SPRED2: variants seen among roughly 807,000 people sequenced by gnomAD.
The protein encoded by SPRED2 is sprouty-related, EVH1 domain-containing protein 2.
A neutral mutation model predicts 43.0 loss-of-function variants in SPRED2; 47 were observed. The observed-to-expected ratio is 1.09, with a 90% CI of 0.87 to 1.40. SPRED2 has a LOEUF of 1.40. Among genes scored for constraint, SPRED2 ranks in the 40% most tolerant of loss-of-function variants. SPRED2 has a pLI of 0.00. For missense variants in SPRED2, 561 were observed against 586.4 expected, an observed-to-expected ratio of 0.96 and a Z score of 0.45; for synonymous variants, 225 against 225.7, an observed-to-expected ratio of 1.00 and a Z score of 0.03.
chr2:65,383,074 G>C (rs1675410485), intron 1 of SPRED2, among the ~76,000 whole-genome samples: 1 of 152,248 alleles, frequency 6.6e-6, no homozygotes, highest in Non-Finnish European at 1.5e-5. Flanking sequence ...CTCTCTGCAA[G>C]AGTCATACAA....
chr2:65,392,890 C>T (rs571872805), intron 1 of SPRED2, among the ~76,000 whole-genome samples: 5 of 152,194 alleles, frequency 3.3e-5, no homozygotes, highest in South Asian at 2.1e-4. Context: ...GGATGAGGGA[C>T]GGAAGCAGAG....
At chr2:65,352,085 G>A (rs1303444601) in intron 1 of SPRED2, among the ~76,000 whole-genome samples, 1 of 152,232 alleles carries the variant, frequency 6.6e-6, no homozygotes, top group Non-Finnish European at 1.5e-5. Context: ...TACTGTTTGT[G>A]TGGTTAGGGT....
intron 1 of SPRED2, among the ~76,000 whole-genome samples, chr2:65,399,383 C>CTTTT (rs34672484): frequency 2.4e-5 from 3 of 125,384 alleles, no homozygotes; most frequent in Non-Finnish European, 3.4e-5. Context: ...AACTATTATT[C>CTTTT]TTTTTTTTTT....
rs151027927 is a variant in SPRED2 at position 65,361,537 on chromosome 2, A to G, written c.27-16641T>C. Among the ~76,000 whole-genome samples, 124 of 152,318 alleles carry G rather than the reference A, an allele frequency of 8.1e-4. 2 individuals carry two copies. The East Asian group carries it at 0.019, about 23-fold the overall frequency. On this transcript the variant is annotated intron_variant, in intron 1 of 5. Transcript: ENST00000356388. ...CACCAGCAACAGAATACACCAAAAT[A>G]TTTTTCATGATTAGTCCCTTTTCAT...
At chr2:65,336,003 T>C (rs1381730847) in intron 2 of SPRED2, among the ~76,000 whole-genome samples, 4 of 152,188 alleles carry the variant, frequency 2.6e-5, no homozygotes, top group Admixed American at 1.3e-4. Context: ...CCTAAATTAG[T>C]ATACAGATAA....
chr2:65,309,413 G>A (rs1341947768), downstream of SPRED2, among the ~76,000 whole-genome samples: 3 of 150,566 alleles, frequency 2.0e-5, no homozygotes, highest in Non-Finnish European at 4.4e-5. Context: ...GGATAAGGTG[G>A]GAGAATCACT....
chr2:65,418,428 C>T (rs1292142684), intron 1 of SPRED2, among the ~76,000 whole-genome samples: 2 of 152,192 alleles, frequency 1.3e-5, no homozygotes, highest in African/African-American at 4.8e-5. Flanking sequence ...GACCTGTCTC[C>T]TCCCCTAAAT....
intron 1 of SPRED2, among the ~76,000 whole-genome samples, chr2:65,384,978 T>C (rs28403212): frequency 1.5e-4 from 10 of 68,486 alleles, no homozygotes; most frequent in African/African-American, 3.8e-4. Context: ...ACTTCTTCTT[T>C]TTTTTTTTTT....
At chr2:65,384,137 G>C (rs986923477) in intron 1 of SPRED2, among the ~76,000 whole-genome samples, 1 of 152,000 alleles carries the variant, frequency 6.6e-6, no homozygotes, top group Non-Finnish European at 1.5e-5. Flanking sequence ...GGCCGCTCTC[G>C]GCCTCCTTCC....
chr2:65,430,621 A>G (rs1304209645), intron 1 of SPRED2, among the ~76,000 whole-genome samples: 1 of 152,096 alleles, frequency 6.6e-6, no homozygotes, highest in African/African-American at 2.4e-5. Flanking sequence ...GGGGGGCAAA[A>G]GACCTGGGGC....
intron 4 of SPRED2, among the ~76,000 whole-genome samples, chr2:65,323,773 G>T (rs1022930277): frequency 2.0e-5 from 3 of 152,038 alleles, no homozygotes; most frequent in Non-Finnish European, 4.4e-5. Flanking sequence ...CTACTCGGGA[G>T]GCTGAGGCAG....
At chr2:65,412,556 G>A (rs1039905741) in intron 1 of SPRED2, among the ~76,000 whole-genome samples, 15 of 152,152 alleles carry the variant, frequency 9.9e-5, no homozygotes, top group African/African-American at 2.9e-4. Flanking sequence ...TGGCAACAGG[G>A]TCATATGACT....
At chr2:65,426,598 T>C (rs1166539731) in intron 1 of SPRED2, among the ~76,000 whole-genome samples, 2 of 152,158 alleles carry the variant, frequency 1.3e-5, no homozygotes, top group Admixed American at 1.3e-4. Context: ...GATTTTGACT[T>C]GCATTTTGAC....
intron 1 of SPRED2, among the ~76,000 whole-genome samples, chr2:65,353,278 G>T (rs1674561121): frequency 2.6e-5 from 4 of 152,184 alleles, no homozygotes; most frequent in African/African-American, 9.7e-5. Flanking sequence ...TCCCAAAGAG[G>T]GAGGTAAGGG....
intron 1 of SPRED2, among the ~76,000 whole-genome samples, chr2:65,355,758 T>C (rs1206909838): frequency 1.3e-5 from 2 of 152,218 alleles, no homozygotes; most frequent in African/African-American, 4.8e-5. Flanking sequence ...CCTGAACTTC[T>C]GGAGTTCATA....
chr2:65,340,175 T>C (rs1674137374), intron 2 of SPRED2, among the ~76,000 whole-genome samples: 1 of 152,252 alleles, frequency 6.6e-6, no homozygotes, highest in Non-Finnish European at 1.5e-5. Context: ...ATTTCTAATA[T>C]GGCAAGTTAT....
intron 1 of SPRED2, among the ~76,000 whole-genome samples, chr2:65,427,269 G>C (rs576461559): frequency 7.9e-5 from 12 of 152,174 alleles, no homozygotes; most frequent in African/African-American, 2.4e-4. Context: ...GGTAGAGACA[G>C]GGTCTCACTG....
intron 1 of SPRED2, among the ~76,000 whole-genome samples, chr2:65,413,596 G>A (rs1284070046): frequency 6.6e-6 from 1 of 152,198 alleles, no homozygotes; most frequent in African/African-American, 2.4e-5. Flanking sequence ...GATTAGAGCT[G>A]CATACCCAAG....
intron 1 of SPRED2, among the ~76,000 whole-genome samples, chr2:65,416,765 TG>T (rs1026143621): frequency 5.9e-5 from 9 of 152,150 alleles, no homozygotes; most frequent in African/African-American, 2.2e-4. Context: ...TAGGCGTCTG[TG>T]GGACCTTGGG....
Sources: allele counts gnomAD v4.1 joint callset (sites outside exome capture counted in the v4.1 genomes callset), GRCh38; gene constraint gnomAD v4.1.1; transcripts MANE v1.5; gene names NCBI Gene and HGNC (gene_info 2026-07-23, HGNC 2026-07-21).